Variants in KCMF1 observed in about 807,000 individuals in gnomAD.
KCMF1 encodes potassium channel modulatory factor 1, also known as E3 ubiquitin-protein ligase KCMF1.
In KCMF1, 3 loss-of-function variants were observed where a neutral mutation model predicts 41.1. The ratio of observed to expected loss-of-function variants is 0.07; its 90% confidence interval spans 0.03 to 0.19. The LOEUF is 0.19. KCMF1 is among the 10% of genes least tolerant of loss of function. The pLI, the probability that KCMF1 is intolerant of heterozygous loss-of-function variation, is 1.00. For synonymous variants in KCMF1, 142 were observed against 164.5 expected, an observed-to-expected ratio of 0.86 and a Z score of 1.04; for missense variants, 286 against 488.9, an observed-to-expected ratio of 0.58 and a Z score of 3.91.
Position 85,053,436 on chromosome 2 carries a change from C to A in KCMF1, c.*27C>A, listed in dbSNP as rs1174904228. 6.3e-7 allele frequency: 1 copy of A among 1,597,944 alleles called. No individual in the cohort carries two copies. Among genetic ancestry groups the A allele is most frequent in the South Asian group, 1.1e-5 (1 of 88,230 alleles). ...GACATCCCAATTCGCAGACAATGTCCTCTGTGCTGTATTTGCCAATGAAAG... is the reference window on the plus strand; with the variant it reads ...GACATCCCAATTCGCAGACAATGTCATCTGTGCTGTATTTGCCAATGAAAG... On this transcript the variant is annotated 3_prime_UTR_variant, in exon 7 of 7. Transcript: ENST00000409785.
intron 1 of KCMF1, among the ~76,000 whole-genome samples, chr2:85,010,443 T>G (rs1371641332): frequency 6.6e-6 from 1 of 152,220 alleles, no homozygotes; most frequent in Non-Finnish European, 1.5e-5. Context: ...TACTCCAGCC[T>G]GGGTGACCAA....
At chr2:85,035,250 T>C in intron 3 of KCMF1, 95 bp downstream of exon 3, 1 of 1,034,530 alleles carries the variant, frequency 9.7e-7, no homozygotes, top group South Asian at 1.7e-5. Context: ...TGCTTCCTGC[T>C]CAGTGTAATG....
At chr2:84,998,568 CTTATTTAT>C (rs55809220) in intron 1 of KCMF1, among the ~76,000 whole-genome samples, 51 of 151,172 alleles carry the variant, frequency 3.4e-4, no homozygotes, top group Admixed American at 7.3e-4. Flanking sequence ...GAGCCAACGC[CTTATTTAT>C]TTATTTATTT....
intron 1 of KCMF1, among the ~76,000 whole-genome samples, chr2:84,984,689 G>A (rs933541346): frequency 2.6e-5 from 4 of 151,920 alleles, no homozygotes; most frequent in Non-Finnish European, 4.4e-5. Flanking sequence ...GTGTGGTGGC[G>A]CATGCCCATA....
rs1287271200 is a variant in KCMF1 at position 85,054,055 on chromosome 2, C to G, written c.*646C>G. 3 of 152,366 alleles carry G rather than the reference C, an allele frequency of 2.0e-5. No homozygotes were observed. Among genetic ancestry groups the G allele is most frequent in the East Asian group, 3.8e-4 (2 of 5,202 alleles). The allele number at this position is 152,366 out of a possible 1,614,324, so 9.4% of individuals were successfully genotyped here. On this transcript the variant is annotated 3_prime_UTR_variant, in exon 7 of 7. Transcript: ENST00000409785. Reference sequence around the variant, plus strand: ...ACTGTCCTGTCGCCCTGTTAGTCATCTTGCCTGTGTGGAGCTCAGCCTGTC... The same window carrying G: ...ACTGTCCTGTCGCCCTGTTAGTCATGTTGCCTGTGTGGAGCTCAGCCTGTC...
intron 2 of KCMF1, among the ~76,000 whole-genome samples, chr2:85,031,816 A>C (rs779829546): frequency 3.9e-5 from 6 of 152,190 alleles, no homozygotes; most frequent in Non-Finnish European, 5.9e-5. Context: ...ATCATGGCTC[A>C]TTGCAGTCTC....
intron 1 of KCMF1, among the ~76,000 whole-genome samples, chr2:85,016,801 T>G (rs1674780182): frequency 2.0e-5 from 3 of 151,908 alleles, no homozygotes; most frequent in African/African-American, 7.2e-5. Flanking sequence ...CAAGTGATTC[T>G]GCCTCAGTCT....
intron 6 of KCMF1, among the ~76,000 whole-genome samples, chr2:85,051,494 C>T (rs1675807557): frequency 6.6e-6 from 1 of 151,692 alleles, no homozygotes; most frequent in Non-Finnish European, 1.5e-5. Context: ...GCATTTATTC[C>T]ACACCCAACT....
At chr2:85,015,533 TAA>T (rs1423101561) in intron 1 of KCMF1, among the ~76,000 whole-genome samples, 1 of 152,174 alleles carries the variant, frequency 6.6e-6, no homozygotes, top group African/African-American at 2.4e-5. Context: ...TATGAACAAA[TAA>T]AAGAGTGTAG....
chr2:84,986,912 C>T (rs1286800488), intron 1 of KCMF1, among the ~76,000 whole-genome samples: 1 of 151,962 alleles, frequency 6.6e-6, no homozygotes, highest in Admixed American at 6.6e-5. Flanking sequence ...GATGGACTTA[C>T]TTAAGGTTCC....
rs1318390920 is a variant in KCMF1 at position 85,054,060 on chromosome 2, C to T, written c.*651C>T. On this transcript the variant is annotated 3_prime_UTR_variant, in exon 7 of 7. Coordinates refer to ENST00000409785, the MANE Select transcript of KCMF1 (RefSeq NM_020122.5). The stretch of plus-strand genomic sequence containing the variant: ...CCTGTCGCCCTGTTAGTCATCTTGC[C>T]TGTGTGGAGCTCAGCCTGTCTCTTT... The T allele has an allele frequency of 1.3e-5, 2 of 152,280 alleles. No individual in the cohort carries two copies. The highest frequency in any genetic ancestry group is 4.8e-5 in the African/African-American group (2 of 41,412). The allele number at this position is 152,280 out of a possible 1,614,324, so 9.4% of individuals were successfully genotyped here. A position where few individuals can be genotyped will look rare whatever the true frequency, so the allele number is the denominator to read the frequency against.
intron 1 of KCMF1, among the ~76,000 whole-genome samples, chr2:85,016,052 C>A (rs1314115804): frequency 1.3e-5 from 2 of 152,186 alleles, no homozygotes; most frequent in African/African-American, 4.8e-5. Context: ...AAGCCGATTT[C>A]CAGTCAGAAA....
At chr2:84,995,688 C>T (rs1674162062) in intron 1 of KCMF1, among the ~76,000 whole-genome samples, 1 of 152,160 alleles carries the variant, frequency 6.6e-6, no homozygotes, top group South Asian at 2.1e-4. Flanking sequence ...CACGATGGCT[C>T]ATGCCTGTAA....
intron 3 of KCMF1, among the ~76,000 whole-genome samples, chr2:85,037,844 C>CAGA (rs1216121977): frequency 6.6e-6 from 1 of 152,238 alleles, no homozygotes; most frequent in Non-Finnish European, 1.5e-5. Flanking sequence ...AGCCACAGAG[C>CAGA]AGAAGGTGAG....
intron 1 of KCMF1, 58 bp downstream of exon 1, chr2:84,971,525 G>T (rs1673393571): frequency 9.6e-7 from 1 of 1,038,674 alleles, no homozygotes. Context: ...CCCCGCCCGG[G>T]CCGGGCGCGG....
chr2:85,035,004 C>T lies in KCMF1; in HGVS notation c.185-12C>T. 1 of 1,595,230 alleles carries T rather than the reference C, an allele frequency of 6.3e-7. No individual in the cohort carries two copies. Among genetic ancestry groups the T allele is most frequent in the Non-Finnish European group, 8.6e-7 (1 of 1,167,932 alleles). On this transcript the variant is annotated splice_polypyrimidine_tract_variant and intron_variant, in intron 2 of 6. Transcript: ENST00000409785. ...CTAATATTCCTCAATGCAATTCTAC[C>T]TTATTTTTCAGATTTATACTATGGT...
intron 1 of KCMF1, among the ~76,000 whole-genome samples, chr2:84,994,403 A>G (rs1002692262): frequency 1.6e-4 from 24 of 151,622 alleles, no homozygotes; most frequent in Non-Finnish European, 3.5e-4. Flanking sequence ...CTAAACTAAC[A>G]ATACTTCTTT....
chr2:85,048,254 T>C (rs1675720305), intron 5 of KCMF1, among the ~76,000 whole-genome samples: 1 of 152,268 alleles, frequency 6.6e-6, no homozygotes, highest in African/African-American at 2.4e-5. Flanking sequence ...TAAACTGAGT[T>C]TGGGGGATTT....
chr2:84,982,389 CTTTTTT>C lies in KCMF1; in HGVS notation c.16+10950_16+10955del, dbSNP rs34687477. ...GAGTTACAGATGTGTTCCTTATTTT[CTTTTTT>C]TTTTTTTTTTTTTTTTTTTTTTTTT... On this transcript the variant is annotated intron_variant, in intron 1 of 6. Transcript: ENST00000409785. 3.0e-4 allele frequency among the ~76,000 whole-genome samples: 14 copies of C among 47,260 alleles called. No homozygotes were observed. In the South Asian group the frequency reaches 9.4e-3, roughly 32 times the overall value. 31.0% of individuals were successfully genotyped at this position (47,260 alleles called of 152,430 possible).
Sources: gnomAD v4.1 joint callset for allele counts (sites outside exome capture counted in the v4.1 genomes callset) on GRCh38, gnomAD v4.1.1 for gene constraint, MANE v1.5 for transcripts, NCBI Gene and HGNC (gene_info 2026-07-23, HGNC 2026-07-21) for gene names.